Variants in GALNT10 observed in about 807,000 individuals in gnomAD.
GALNT10 encodes GalNAc transferase 10.
Under a neutral mutation model 75.0 loss-of-function variants are expected in GALNT10, and 41 were observed. The observed-to-expected ratio is 0.55, with a 90% confidence interval of 0.43 to 0.71. GALNT10 has a LOEUF of 0.71. GALNT10 is among the 30% of genes least tolerant of loss of function. The pLI, the probability that GALNT10 is intolerant of heterozygous loss-of-function variation, is 0.00. For missense variants in GALNT10, 727 were observed against 818.5 expected (o/e 0.89, Z 1.36); for synonymous variants, 302 against 313.0 (o/e 0.96, Z 0.37).
chr5:154,302,205 A>G (rs903237670), intron 3 of GALNT10, among the ~76,000 whole-genome samples: 1 of 152,236 alleles, frequency 6.6e-6, no homozygotes, highest in African/African-American at 2.4e-5. Context: ...TTGTTCCTTC[A>G]AACTGAATTT....
At chr5:154,295,804 G>T (rs941165348) in intron 2 of GALNT10, among the ~76,000 whole-genome samples, 1 of 152,170 alleles carries the variant, frequency 6.6e-6, no homozygotes, top group Non-Finnish European at 1.5e-5. Flanking sequence ...ACCTCAGGAT[G>T]TTATTGTGAG....
At chr5:154,390,272 T>C (rs1267985797) in intron 7 of GALNT10, among the ~76,000 whole-genome samples, 1 of 136,576 alleles carries the variant, frequency 7.3e-6, no homozygotes, top group Non-Finnish European at 1.5e-5. Flanking sequence ...TGGCCCCCCA[T>C]GTCTCTCGCC....
intron 3 of GALNT10, among the ~76,000 whole-genome samples, chr5:154,299,529 A>G (rs1754330412): frequency 6.6e-6 from 1 of 152,218 alleles, no homozygotes; most frequent in African/African-American, 2.4e-5. Flanking sequence ...GAACCATAAA[A>G]GTCTTTCCAC....
At chr5:154,363,559 C>T (rs182540108) in intron 4 of GALNT10, among the ~76,000 whole-genome samples, 2 of 138,270 alleles carry the variant, frequency 1.4e-5, no homozygotes, top group African/African-American at 5.3e-5. Context: ...AAATCAGTGA[C>T]TGCTTTAGGT....
At chr5:154,289,867 G>A (rs1341038561) in intron 1 of GALNT10, among the ~76,000 whole-genome samples, 1 of 152,154 alleles carries the variant, frequency 6.6e-6, no homozygotes, top group Non-Finnish European at 1.5e-5. Context: ...TATCTGTGCT[G>A]TCAAACCTGA....
intron 4 of GALNT10, among the ~76,000 whole-genome samples, chr5:154,371,563 T>TAC (rs796318005): frequency 0.031 from 1,560 of 50,958 alleles, 12 homozygotes; most frequent in Non-Finnish European, 0.054. Flanking sequence ...TGTGTGTGTG[T>TAC]ACACACACAC....
intron 1 of GALNT10, among the ~76,000 whole-genome samples, chr5:154,196,495 C>T (rs947920023): frequency 6.6e-6 from 1 of 152,098 alleles, no homozygotes; most frequent in Non-Finnish European, 1.5e-5. Flanking sequence ...AGGTTTGTGG[C>T]ATTGTCAGGG....
intron 8 of GALNT10, among the ~76,000 whole-genome samples, chr5:154,406,674 G>A (rs1488529122): frequency 6.6e-6 from 1 of 152,134 alleles, no homozygotes. Flanking sequence ...GTGTGCGCCT[G>A]TAATACCAGC....
intron 8 of GALNT10, among the ~76,000 whole-genome samples, chr5:154,408,582 A>G (rs573797544): frequency 6.6e-6 from 1 of 151,878 alleles, no homozygotes; most frequent in Non-Finnish European, 1.5e-5. Flanking sequence ...TCTGTCCCCA[A>G]GTCTACTCAC....
At position 154,386,486 on chromosome 5, in the gene GALNT10, C is replaced by CAGT. The variant is rs1371025238; in HGVS notation, c.1056+59_1056+61dup. 3.7e-6 allele frequency: 4 copies of CAGT among 1,076,518 alleles called. No individual in the cohort carries two copies. The South Asian group carries it at 5.0e-5, about 13-fold the overall frequency. The allele number at this position is 1,076,518 out of a possible 1,614,324, so 66.7% of individuals were successfully genotyped here. A position where few individuals can be genotyped will look rare whatever the true frequency, so the allele number is the denominator to read the frequency against. ...GGCACAGCCTCCTGAGTGCCTGTCC[C>CAGT]AGTAGGTGTCTCAGCTTCTGCCTGA... On this transcript the variant is annotated intron_variant, in intron 7 of 11. Transcript: ENST00000297107.
At chr5:154,214,250 T>G (rs1418667647) in intron 1 of GALNT10, among the ~76,000 whole-genome samples, 1 of 151,928 alleles carries the variant, frequency 6.6e-6, no homozygotes, top group Non-Finnish European at 1.5e-5. Flanking sequence ...AAAATCAGCC[T>G]CCAAAATAAA....
At position 154,403,982 on chromosome 5, in the gene GALNT10, T is replaced by C; in HGVS notation, c.1057-122T>C. 3.8e-6 allele frequency: 3 copies of C among 791,158 alleles called. 1 individual carries two copies. The South Asian group carries it at 4.2e-5, about 11-fold the overall frequency. 49.0% of individuals were successfully genotyped at this position (791,158 alleles called of 1,614,324 possible). On this transcript the variant is annotated intron_variant, in intron 7 of 11. Transcript: ENST00000297107. Reference sequence around the variant, plus strand: ...TTTTCCCATGTCATTAGGTCTGTGATCCAGGCTTCAGCAGACAATCCAGGC... The same window carrying C: ...TTTTCCCATGTCATTAGGTCTGTGACCCAGGCTTCAGCAGACAATCCAGGC...
At chr5:154,244,764 A>G (rs1473031903) in intron 1 of GALNT10, among the ~76,000 whole-genome samples, 1 of 152,190 alleles carries the variant, frequency 6.6e-6, no homozygotes, top group African/African-American at 2.4e-5. Context: ...TCAGCCTGGA[A>G]CCAGGTCTCA....
chr5:154,342,641 T>C (rs933731089), intron 4 of GALNT10, among the ~76,000 whole-genome samples: 17 of 152,342 alleles, frequency 1.1e-4, no homozygotes, highest in Admixed American at 1.1e-3. Flanking sequence ...TTTGAATGTA[T>C]ACCCTGGGTC....
intron 3 of GALNT10, among the ~76,000 whole-genome samples, chr5:154,305,296 TAAA>T (rs374431386): frequency 3.0e-5 from 4 of 133,664 alleles, no homozygotes; most frequent in Non-Finnish European, 3.2e-5. Flanking sequence ...ACCTCATCTG[TAAA>T]AAAAAAAAAA....
chr5:154,407,288 C>T (rs570365415), intron 8 of GALNT10, among the ~76,000 whole-genome samples: 1 of 152,048 alleles, frequency 6.6e-6, no homozygotes, highest in Non-Finnish European at 1.5e-5. Context: ...CCACTGAAAT[C>T]CCAAGGTCCT....
Position 154,290,258 on chromosome 5 carries a change from ATTTTT to A in GALNT10, c.160-4537_160-4533del, listed in dbSNP as rs71577131. On this transcript the variant is annotated intron_variant, in intron 1 of 11. Coordinates refer to ENST00000297107, the MANE Select transcript of GALNT10 (RefSeq NM_198321.4). ...AGGTGTGTGCCATGACACTCAGCTAATTTTTTTTTTTTTTTTTTTTTTTTTGTATT... is the reference window on the plus strand; with the variant it reads ...AGGTGTGTGCCATGACACTCAGCTAATTTTTTTTTTTTTTTTTTTTGTATT... 3.1e-3 allele frequency among the ~76,000 whole-genome samples: 303 copies of A among 98,894 alleles called. 2 individuals are homozygous for A. The highest frequency in any genetic ancestry group is 0.012 in the African/African-American group (290 of 24,808). 64.9% of individuals were successfully genotyped at this position (98,894 alleles called of 152,430 possible). A position where few individuals can be genotyped will look rare whatever the true frequency, so the allele number is the denominator to read the frequency against.
chr5:154,203,480 A>C (rs1252281008), intron 1 of GALNT10, among the ~76,000 whole-genome samples: 1 of 152,226 alleles, frequency 6.6e-6, no homozygotes, highest in Non-Finnish European at 1.5e-5. Context: ...TTAGCTCAGC[A>C]GAGTCCTAGG....
chr5:154,227,326 TC>T lies in GALNT10; in HGVS notation c.159+36302del, dbSNP rs1753077931. Among the ~76,000 whole-genome samples the T allele has an allele frequency of 3.3e-5, 5 of 152,234 alleles. No homozygotes were observed. The South Asian group carries it at 1.0e-3, about 32-fold the overall frequency. On this transcript the variant is annotated intron_variant, in intron 1 of 11. Coordinates refer to ENST00000297107, the MANE Select transcript of GALNT10 (RefSeq NM_198321.4). Reference sequence around the variant, plus strand: ...CCTCACCAACACTTAGTATGATCAGTCTTTTAAATTTTAGCCTTTCTAATAT... The same window carrying T: ...CCTCACCAACACTTAGTATGATCAGTTTTTAAATTTTAGCCTTTCTAATAT...
Sources: allele counts gnomAD v4.1 joint callset (sites outside exome capture counted in the v4.1 genomes callset), GRCh38; gene constraint gnomAD v4.1.1; transcripts MANE v1.5; gene names NCBI Gene and HGNC (gene_info 2026-07-23, HGNC 2026-07-21).